Variants in OR6N1 observed in about 807,000 individuals in gnomAD.
The protein encoded by OR6N1 is olfactory receptor family 6 subfamily N member 1, also known as olfactory receptor 6N1.
For synonymous variants in OR6N1, 170 were observed against 150.7 expected (o/e 1.13, Z -0.94); for missense variants, 394 against 371.7 (o/e 1.06, Z -0.49).
the OR6N1 span, among the ~76,000 whole-genome samples, chr1:158,795,444 C>T: frequency 6.6e-6 from 1 of 152,140 alleles, no homozygotes; most frequent in Non-Finnish European, 1.5e-5. Flanking sequence ...TGGTTCTGGC[C>T]ACTGTGGTTC....
chr1:158,764,872 A>T lies in OR6N1; in HGVS notation c.*872T>A, dbSNP rs541609844. The T allele has an allele frequency of 1.3e-5, 2 of 152,196 alleles. No homozygotes were observed. The highest frequency in any genetic ancestry group is 2.1e-4 in the South Asian group (1 of 4,814). 9.4% of individuals were successfully genotyped at this position (152,196 alleles called of 1,614,324 possible). On this transcript the variant is annotated 3_prime_UTR_variant, in exon 2 of 2. Transcript: ENST00000641846. Reference sequence around the variant, plus strand: ...AGGACCACTAAGACAGGTACATGAAACTTGTCAGAACAGAACTGTGACAAA... The same window carrying T: ...AGGACCACTAAGACAGGTACATGAATCTTGTCAGAACAGAACTGTGACAAA...
chr1:158,764,451 T>C lies in OR6N1; in HGVS notation c.*1293A>G, dbSNP rs1419498762. 1 of 151,924 alleles carries C rather than the reference T, an allele frequency of 6.6e-6. No individual in the cohort carries two copies. The highest frequency in any genetic ancestry group is 1.5e-5 in the Non-Finnish European group (1 of 67,930). 9.4% of individuals were successfully genotyped at this position (151,924 alleles called of 1,614,324 possible). A position where few individuals can be genotyped will look rare whatever the true frequency, so the allele number is the denominator to read the frequency against. On this transcript the variant is annotated 3_prime_UTR_variant, in exon 2 of 2. Coordinates refer to ENST00000641846, the MANE Select transcript of OR6N1 (RefSeq NM_001005185.2). The stretch of plus-strand genomic sequence containing the variant: ...GTAGGACCTGGACATATATATGTCT[T>C]GTTCATTGCTTTTGTAGAGTTGACA...
the OR6N1 span, among the ~76,000 whole-genome samples, chr1:158,797,974 T>C: frequency 6.6e-6 from 1 of 150,736 alleles, no homozygotes; most frequent in African/African-American, 2.4e-5. Context: ...ATATTAATTC[T>C]GATGTTGATA....
the OR6N1 span, among the ~76,000 whole-genome samples, chr1:158,822,060 C>A: frequency 6.6e-6 from 1 of 152,260 alleles, no homozygotes; most frequent in East Asian, 1.9e-4. Flanking sequence ...GCTTATTTGT[C>A]ATTTTATTGT....
the OR6N1 span, among the ~76,000 whole-genome samples, chr1:158,791,340 A>T: frequency 2.0e-4 from 30 of 152,088 alleles, no homozygotes; most frequent in Non-Finnish European, 3.1e-4. Context: ...TTTTCTCTTA[A>T]TTTCATTAAC....
chr1:158,784,997 T>C, the OR6N1 span, among the ~76,000 whole-genome samples: 6 of 152,210 alleles, frequency 3.9e-5, no homozygotes, highest in African/African-American at 1.4e-4. Context: ...TTTCCATCAA[T>C]ATCTAGCTTT....
intron 1 of OR6N1, among the ~76,000 whole-genome samples, chr1:158,767,712 G>A (rs1421594104): frequency 6.6e-6 from 1 of 152,080 alleles, no homozygotes; most frequent in Non-Finnish European, 1.5e-5. Context: ...AAACAAAAAA[G>A]CAAGAGCCTT....
the OR6N1 span, among the ~76,000 whole-genome samples, chr1:158,838,257 T>G: frequency 2.0e-5 from 3 of 152,052 alleles, no homozygotes; most frequent in African/African-American, 7.2e-5. Flanking sequence ...TTAGTATTTC[T>G]TTTAAGGTAG....
chr1:158,829,364 A>G, the OR6N1 span, among the ~76,000 whole-genome samples: 1,017 of 152,226 alleles, frequency 6.7e-3, 8 homozygotes, highest in Non-Finnish European at 0.011. Context: ...CCTGCTTAGA[A>G]ATTTCTTCCA....
the OR6N1 span, among the ~76,000 whole-genome samples, chr1:158,839,221 G>C: frequency 1.3e-5 from 2 of 152,090 alleles, no homozygotes; most frequent in East Asian, 3.9e-4. Flanking sequence ...CATATTCAGG[G>C]GAGGACTTTC....
chr1:158,804,584 C>G, the OR6N1 span, among the ~76,000 whole-genome samples: 1 of 152,108 alleles, frequency 6.6e-6, no homozygotes, highest in Non-Finnish European at 1.5e-5. Context: ...TTTGGAAAAA[C>G]AGCATATGCT....
chr1:158,805,787 A>G, the OR6N1 span, among the ~76,000 whole-genome samples: 1 of 152,152 alleles, frequency 6.6e-6, no homozygotes, highest in Non-Finnish European at 1.5e-5. Flanking sequence ...TATCACACCC[A>G]TTTGACTCTT....
chr1:158,802,750 C>T, the OR6N1 span, among the ~76,000 whole-genome samples: 2 of 152,186 alleles, frequency 1.3e-5, no homozygotes, highest in Non-Finnish European at 2.9e-5. Flanking sequence ...ATACCTAATA[C>T]ACTTGTCTAA....
chr1:158,787,751 G>C, the OR6N1 span, among the ~76,000 whole-genome samples: 1 of 151,718 alleles, frequency 6.6e-6, no homozygotes, highest in Non-Finnish European at 1.5e-5. Context: ...CATTTGACCT[G>C]ATTCTTGAAA....
At chr1:158,776,876 T>C, upstream of OR6N1, 1 of 1,614,056 alleles carries the variant, frequency 6.2e-7, no homozygotes, top group Non-Finnish European at 8.5e-7. Flanking sequence ...AAGATGATGC[T>C]CCCAAAGAAG....
Position 158,765,819 on chromosome 1 carries a change from G to T in OR6N1, c.864C>A (p.Phe288Leu), listed in dbSNP as rs767320549. The T allele has an allele frequency of 3.7e-6, 6 of 1,614,154 alleles. No individual in the cohort carries two copies. Among genetic ancestry groups the T allele is most frequent in the Non-Finnish European group, 2.5e-6 (3 of 1,179,992 alleles). ...TCTCCTTGTTGCGCAAGCTGTAGATGAAGGGGTTGAGGAAGGGTGTGAGCA... is the reference window on the plus strand; with the variant it reads ...TCTCCTTGTTGCGCAAGCTGTAGATTAAGGGGTTGAGGAAGGGTGTGAGCA... Reference protein sequence around the residue: ...YSVLTPFLNPFIYSLRNKEIK... With the variant: ...YSVLTPFLNPLIYSLRNKEIK... The change falls in exon 2 of 2, where the codon TTC becomes TTA. Residue 288 changes from phenylalanine (F) to leucine (L), a missense_variant. Phe to Leu is a conservative substitution (Grantham distance 22, BLOSUM62 0). Coordinates refer to ENST00000641846, the MANE Select transcript of OR6N1 (RefSeq NM_001005185.2).
the OR6N1 span, among the ~76,000 whole-genome samples, chr1:158,790,985 G>A: frequency 1.3e-4 from 20 of 152,152 alleles, no homozygotes; most frequent in East Asian, 3.9e-3. Context: ...AAGTGATGCT[G>A]GATTTTACCA....
the OR6N1 span, among the ~76,000 whole-genome samples, chr1:158,813,317 T>A: frequency 6.6e-6 from 1 of 152,170 alleles, no homozygotes; most frequent in Non-Finnish European, 1.5e-5. Context: ...TACACAGAGT[T>A]GTTCACTGTA....
the OR6N1 span, chr1:158,796,190 C>A: frequency 6.6e-6 from 1 of 152,262 alleles, no homozygotes; most frequent in Non-Finnish European, 1.5e-5. Flanking sequence ...TTGGAAAGTA[C>A]TTAGAGTCAA....
Sources: allele counts gnomAD v4.1 joint callset (sites outside exome capture counted in the v4.1 genomes callset), GRCh38; gene constraint gnomAD v4.1.1; transcripts MANE v1.5; gene names NCBI Gene and HGNC (gene_info 2026-07-23, HGNC 2026-07-21).